Variants in SH3PXD2A observed in about 807,000 individuals in gnomAD.
The protein encoded by SH3PXD2A is SH3 and PX domain-containing protein 2A.
Under a neutral mutation model 115.2 loss-of-function variants are expected in SH3PXD2A, and 32 were observed. The ratio of observed to expected loss-of-function variants is 0.28; its 90% CI spans 0.21 to 0.37. The LOEUF (loss-of-function observed/expected upper bound fraction) is 0.37. Among genes scored for constraint, SH3PXD2A ranks in the 10% least tolerant of loss-of-function variants. The pLI, the probability that SH3PXD2A is intolerant of heterozygous loss-of-function variation, is 1.00. For synonymous variants in SH3PXD2A, 610 were observed against 629.1 expected (o/e 0.97, Z 0.45); for missense variants, 1,328 against 1,498.7 (o/e 0.89, Z 1.88).
chr10:103,713,460 C>G (rs2038069396), intron 5 of SH3PXD2A, among the ~76,000 whole-genome samples: 1 of 152,228 alleles, frequency 6.6e-6, no homozygotes, highest in Admixed American at 6.5e-5. Flanking sequence ...AGGCCTATCT[C>G]TTCTTGGCCT....
chr10:103,726,361 C>T (rs972431192), intron 4 of SH3PXD2A, among the ~76,000 whole-genome samples: 6 of 152,154 alleles, frequency 3.9e-5, no homozygotes, highest in African/African-American at 1.2e-4. Context: ...TGAGGGTCGT[C>T]CTCATGAGGG....
chr10:103,620,748 G>A lies in SH3PXD2A; in HGVS notation c.802+1722C>T, dbSNP rs1005916835. On this transcript the variant is annotated intron_variant, in intron 10 of 14. Coordinates refer to ENST00000369774, the MANE Select transcript of SH3PXD2A (RefSeq NM_001394015.1). The surrounding 1 kb of genome is among the most constrained non-coding windows in gnomAD (Gnocchi z 5.3). Reference sequence around the variant, plus strand: ...GAGAGAGAGAGAGAGCAAGAGCTGGGGGCTTATATTTGCTTAGGTATGGGT... The same window carrying A: ...GAGAGAGAGAGAGAGCAAGAGCTGGAGGCTTATATTTGCTTAGGTATGGGT... Among the ~76,000 whole-genome samples, 2 of 152,146 alleles carry A rather than the reference G, an allele frequency of 1.3e-5. No homozygotes were observed. Among genetic ancestry groups the A allele is most frequent in the Non-Finnish European group, 2.9e-5 (2 of 68,028 alleles).
intron 2 of SH3PXD2A, among the ~76,000 whole-genome samples, chr10:103,779,887 CTT>C (rs1053426315): frequency 3.2e-4 from 49 of 152,326 alleles, no homozygotes; most frequent in African/African-American, 1.2e-3. Flanking sequence ...CTGCCTGACA[CTT>C]TTCTCTCTCA....
intron 1 of SH3PXD2A, among the ~76,000 whole-genome samples, chr10:103,801,947 A>G (rs1463882350): frequency 6.6e-6 from 1 of 152,098 alleles, no homozygotes; most frequent in Non-Finnish European, 1.5e-5. Flanking sequence ...CAGATGATCC[A>G]CCTGCCTTGG....
At chr10:103,741,984 A>C (rs1320582620) in intron 3 of SH3PXD2A, among the ~76,000 whole-genome samples, 1 of 152,088 alleles carries the variant, frequency 6.6e-6, no homozygotes, top group African/African-American at 2.4e-5. Flanking sequence ...GTCTCTACAA[A>C]ATGCTATAAA....
At chr10:103,818,929 T>G (rs2039350055) in intron 1 of SH3PXD2A, among the ~76,000 whole-genome samples, 1 of 152,170 alleles carries the variant, frequency 6.6e-6, no homozygotes, top group African/African-American at 2.4e-5. Context: ...GATGGCCAAT[T>G]TCATGCCTGA....
rs748558870 is a variant in SH3PXD2A at position 103,603,119 on chromosome 10, C to T, written c.2099G>A (p.Cys700Tyr). The T allele has an allele frequency of 3.6e-5, 58 of 1,613,034 alleles. No individual in the cohort carries two copies. The highest frequency in any genetic ancestry group is 2.5e-6 in the Non-Finnish European group (3 of 1,179,934). Residue 700 changes from cysteine to tyrosine, a missense_variant, in exon 15 of 15, where the codon TGC becomes TAC. This residue lies in a region of SH3PXD2A where 574 missense variants were observed against 565.7 expected (regional missense o/e 1.01). Coordinates refer to ENST00000369774, the MANE Select transcript of SH3PXD2A (RefSeq NM_001394015.1). ...FSSSITINTT[C>Y]CSSSSSSSSS... is the part of the protein sequence containing the mutation. ...GGAGGAGGAGGAAGAGGAGGAGCAG[C>T]AAGTGGTGTTGATGGTGATGGATGA...
intron 8 of SH3PXD2A, among the ~76,000 whole-genome samples, chr10:103,635,438 T>A (rs975589051): frequency 5.3e-5 from 8 of 152,244 alleles, no homozygotes. Flanking sequence ...GCCAGGGCGT[T>A]TGATGCCTGC....
intron 2 of SH3PXD2A, among the ~76,000 whole-genome samples, chr10:103,787,300 T>C (rs758343360): frequency 2.0e-5 from 3 of 152,228 alleles, no homozygotes; most frequent in African/African-American, 4.8e-5. Flanking sequence ...TATTCCAAAC[T>C]GTCCCAACTG....
chr10:103,646,078 T>C (rs1257929387), intron 8 of SH3PXD2A, among the ~76,000 whole-genome samples: 5 of 152,168 alleles, frequency 3.3e-5, no homozygotes, highest in African/African-American at 1.2e-4. Context: ...GGAGGTGCTT[T>C]AATAATCTCT....
At chr10:103,773,783 G>A (rs558738714) in intron 2 of SH3PXD2A, among the ~76,000 whole-genome samples, 13 of 152,160 alleles carry the variant, frequency 8.5e-5, no homozygotes, top group African/African-American at 3.1e-4. Context: ...TTGTTTCCTA[G>A]GCTGGAGTGC....
At chr10:103,635,672 A>G (rs1358727320) in intron 8 of SH3PXD2A, among the ~76,000 whole-genome samples, 1 of 152,184 alleles carries the variant, frequency 6.6e-6, no homozygotes, top group Non-Finnish European at 1.5e-5. Flanking sequence ...AAACCCCTAG[A>G]CCGGAGAAGT....
At chr10:103,771,927 C>CAA (rs2038827022) in intron 2 of SH3PXD2A, among the ~76,000 whole-genome samples, 1 of 152,162 alleles carries the variant, frequency 6.6e-6, no homozygotes, top group Non-Finnish European at 1.5e-5. Flanking sequence ...CACCTAATCC[C>CAA]ACCACCAGGA....
At chr10:103,817,448 C>G (rs1289275832) in intron 1 of SH3PXD2A, among the ~76,000 whole-genome samples, 6 of 152,200 alleles carry the variant, frequency 3.9e-5, no homozygotes, top group Non-Finnish European at 8.8e-5. Flanking sequence ...TCAAGCAATT[C>G]TCCTGCCTCA....
At chr10:103,702,585 C>CTGTGTGTG (rs61568990) in intron 5 of SH3PXD2A, among the ~76,000 whole-genome samples, 3 of 33,002 alleles carry the variant, frequency 9.1e-5, no homozygotes, top group East Asian at 3.6e-3. Flanking sequence ...AGATGTAAGC[C>CTGTGTGTG]TGTGTGTGTG....
Position 103,602,065 on chromosome 10 carries a change from G to A in SH3PXD2A, c.3153C>T (p.Asn1051=). The A allele has an allele frequency of 6.2e-7, 1 of 1,603,580 alleles. No individual in the cohort carries two copies. Among genetic ancestry groups the A allele is most frequent in the Non-Finnish European group, 8.5e-7 (1 of 1,173,580 alleles). Reference sequence around the variant, plus strand: ...GGCGCACAGGGGACACGGGTATGCTGTTGCGCTGGGCGGGCAGTAGGGGTG... The same window carrying A: ...GGCGCACAGGGGACACGGGTATGCTATTGCGCTGGGCGGGCAGTAGGGGTG... ...SDSPLLPAQR[N]SIPVSPVRPK... The change falls in exon 15 of 15, where the codon AAC becomes AAT. Residue 1051 remains asparagine (N), a synonymous_variant. Transcript: ENST00000369774.
intron 13 of SH3PXD2A, among the ~76,000 whole-genome samples, chr10:103,610,673 C>T (rs956093214): frequency 2.0e-5 from 3 of 152,204 alleles, no homozygotes; most frequent in Non-Finnish European, 2.9e-5. Flanking sequence ...TAACCCAGTG[C>T]ACCAGGTAGT....
chr10:103,812,901 C>T (rs1335644834), intron 1 of SH3PXD2A, among the ~76,000 whole-genome samples: 2 of 152,186 alleles, frequency 1.3e-5, no homozygotes, highest in East Asian at 3.8e-4. Flanking sequence ...TTCCCTTTGA[C>T]TCAGCAATTT....
rs935244658 is a variant in SH3PXD2A, at chr10:103,620,655, C to T, written c.802+1815G>A. ...ACTCTCTGCAAGTTTTTCTTGGCTGCCTGGTTTAACTTAGCCCATCAGGCT... is the reference window on the plus strand; with the variant it reads ...ACTCTCTGCAAGTTTTTCTTGGCTGTCTGGTTTAACTTAGCCCATCAGGCT... On this transcript the variant is annotated intron_variant, in intron 10 of 14. Transcript: ENST00000369774. The surrounding 1 kb of genome is among the most constrained non-coding windows in gnomAD (Gnocchi z 5.3). Among the ~76,000 whole-genome samples the T allele has an allele frequency of 6.6e-6, 1 of 152,100 alleles. No homozygotes were observed. The highest frequency in any genetic ancestry group is 1.5e-5 in the Non-Finnish European group (1 of 68,036).
Sources: gnomAD v4.1 joint callset for allele counts (sites outside exome capture counted in the v4.1 genomes callset) on GRCh38, gnomAD v4.1.1 for gene constraint, gnomAD v4.1.1 regional missense constraint, Gnocchi (gnomAD v3.1) non-coding constraint, MANE v1.5 for transcripts, NCBI Gene and HGNC (gene_info 2026-07-23, HGNC 2026-07-21) for gene names.